RBL1: variants seen among roughly 807,000 people sequenced by gnomAD.
RBL1 encodes RB transcriptional corepressor like 1.
A neutral mutation model predicts 123.0 loss-of-function variants in RBL1; 82 were observed. That is an observed-to-expected ratio of 0.67 (90% confidence interval 0.56 to 0.80). The LOEUF (loss-of-function observed/expected upper bound fraction) is 0.80. RBL1 is among the 30% of genes least tolerant of loss of function. The pLI, the probability that RBL1 is intolerant of heterozygous loss-of-function variation, is 0.00. For synonymous variants in RBL1, 405 were observed against 441.3 expected (o/e 0.92, Z 1.03); for missense variants, 1,171 against 1,299.6 (o/e 0.90, Z 1.52).
chr20:37,033,615 T>C lies in RBL1; in HGVS notation c.2171-739A>G, dbSNP rs1337835590. On this transcript the variant is annotated intron_variant, in intron 15 of 21. Transcript: ENST00000373664. ...CAGGCATGAGCCACTGCAGCTGGAC[T>C]TTTTTTTTTTTTTTTTGAGACAGTC... 5.1e-4 allele frequency among the ~76,000 whole-genome samples: 67 copies of C among 130,748 alleles called. No individual in the cohort carries two copies. The East Asian group carries it at 0.014, about 28-fold the overall frequency. The allele number at this position is 130,748 out of a possible 152,430, so 85.8% of individuals were successfully genotyped here. A position where few individuals can be genotyped will look rare whatever the true frequency, so the allele number is the denominator to read the frequency against.
intron 16 of RBL1, among the ~76,000 whole-genome samples, chr20:37,023,929 C>T (rs1164264642): frequency 6.6e-6 from 1 of 151,730 alleles, no homozygotes; most frequent in Non-Finnish European, 1.5e-5. Flanking sequence ...AGGCAAGTGC[C>T]ACCACGCCTG....
chr20:37,003,639 G>A (rs201841741), intron 21 of RBL1, 63 bp downstream of exon 21: 32 of 1,397,584 alleles, frequency 2.3e-5, no homozygotes, highest in South Asian at 1.2e-4. Context: ...AAAAAAAAAA[G>A]AGGCAGGATT....
chr20:37,026,035 C>T (rs2064415288), intron 16 of RBL1, among the ~76,000 whole-genome samples: 2 of 152,134 alleles, frequency 1.3e-5, no homozygotes, highest in Non-Finnish European at 1.5e-5. Context: ...GAGCCACCGA[C>T]CTGGCCAGGA....
intron 19 of RBL1, among the ~76,000 whole-genome samples, chr20:37,015,076 A>AAC (rs1427607033): frequency 6.6e-6 from 1 of 151,526 alleles, no homozygotes; most frequent in African/African-American, 2.4e-5. Flanking sequence ...AAAAAAAAAA[A>AAC]AAAAAAAGAA....
At chr20:37,004,714 C>CAAAAAAAA (rs11361452) in intron 20 of RBL1, among the ~76,000 whole-genome samples, 1 of 72,520 alleles carries the variant, frequency 1.4e-5, no homozygotes, top group Non-Finnish European at 2.5e-5. Flanking sequence ...GACTCTGCCT[C>CAAAAAAAA]AAAAAAAAAA....
At chr20:37,072,249 A>G (rs866989478) in intron 2 of RBL1, among the ~76,000 whole-genome samples, 22 of 152,316 alleles carry the variant, frequency 1.4e-4, no homozygotes, top group African/African-American at 5.3e-4. Flanking sequence ...CAGGTGGACA[A>G]CCTGAGGTCA....
At chr20:37,018,144 T>C (rs992679244) in intron 19 of RBL1, 135 bp downstream of exon 19, 14 of 1,024,368 alleles carry the variant, frequency 1.4e-5, no homozygotes, top group East Asian at 1.3e-4. Flanking sequence ...CTCAAACTTA[T>C]TTGTTTTCAA....
intron 2 of RBL1, among the ~76,000 whole-genome samples, chr20:37,085,647 ATTTTTTT>A (rs1202673380): frequency 7.1e-5 from 6 of 84,606 alleles, no homozygotes; most frequent in Non-Finnish European, 8.6e-5. Context: ...TTGAAATTTG[ATTTTTTT>A]TTTTTTTTTT....
intron 1 of RBL1, among the ~76,000 whole-genome samples, chr20:37,094,363 C>T (rs768558188): frequency 7.9e-5 from 12 of 152,230 alleles, no homozygotes; most frequent in Admixed American, 2.0e-4. Flanking sequence ...ATGCCACCCA[C>T]GGATGTGGAC....
At chr20:37,033,120 T>G in intron 15 of RBL1, among the ~76,000 whole-genome samples, 1 of 150,556 alleles carries the variant, frequency 6.6e-6, no homozygotes, top group East Asian at 2.0e-4. Context: ...TGGGCTCAAG[T>G]GATCCTCCCA....
chr20:37,052,383 G>C (rs2064930997), intron 11 of RBL1, among the ~76,000 whole-genome samples: 1 of 152,000 alleles, frequency 6.6e-6, no homozygotes, highest in Non-Finnish European at 1.5e-5. Context: ...CCACGTGGGA[G>C]TGCAGTGGTG....
At chr20:37,022,500 T>C in intron 17 of RBL1, 150 bp downstream of exon 17, 1 of 635,944 alleles carries the variant, frequency 1.6e-6, no homozygotes, top group Non-Finnish European at 2.5e-6. Context: ...CTGATTTTTA[T>C]ATTTTTTATA....
At chr20:37,093,446 T>G (rs920341464) in intron 1 of RBL1, among the ~76,000 whole-genome samples, 1 of 151,812 alleles carries the variant, frequency 6.6e-6, no homozygotes, top group Non-Finnish European at 1.5e-5. Flanking sequence ...CAAGACCAGC[T>G]TGGGCAACAT....
At chr20:37,051,548 C>T (rs2146278759) in intron 11 of RBL1, among the ~76,000 whole-genome samples, 1 of 152,138 alleles carries the variant, frequency 6.6e-6, no homozygotes, top group East Asian at 1.9e-4. Flanking sequence ...AATAAAGTTA[C>T]TTATGCAAAA....
In RBL1 at chr20:37,067,216, T is replaced by C; in HGVS notation, c.556+17A>G. ...TCCCAGAGTAGAAATGTAAGACCAC[T>C]GAAAGTGTCATCTTACCCTTAGTAT... On this transcript the variant is annotated intron_variant, in intron 4 of 21. Coordinates refer to ENST00000373664, the MANE Select transcript of RBL1 (RefSeq NM_002895.5). 1 of 1,591,990 alleles carries C rather than the reference T, an allele frequency of 6.3e-7. No homozygotes were observed. The highest frequency in any genetic ancestry group is 8.5e-7 in the Non-Finnish European group (1 of 1,172,352).
intron 13 of RBL1, among the ~76,000 whole-genome samples, chr20:37,040,684 TTTTA>T (rs2064708693): frequency 1.3e-5 from 2 of 152,306 alleles, no homozygotes; most frequent in East Asian, 1.9e-4. Context: ...TTTTTTACTA[TTTTA>T]TTTCTTTCTC....
chr20:37,018,907 C>G (rs1215460666), intron 18 of RBL1, among the ~76,000 whole-genome samples: 1 of 152,166 alleles, frequency 6.6e-6, no homozygotes, highest in Non-Finnish European at 1.5e-5. Flanking sequence ...GAGATCGCAC[C>G]ACTGCACTCC....
intron 19 of RBL1, among the ~76,000 whole-genome samples, chr20:37,009,937 A>G (rs2146207370): frequency 6.6e-6 from 1 of 152,186 alleles, no homozygotes; most frequent in East Asian, 1.9e-4. Flanking sequence ...AGATGACAGG[A>G]TCGCTTGAAC....
At chr20:37,091,707 C>T (rs1334206662) in intron 1 of RBL1, among the ~76,000 whole-genome samples, 2 of 150,648 alleles carry the variant, frequency 1.3e-5, no homozygotes, top group Non-Finnish European at 3.0e-5. Context: ...AATCTGATAG[C>T]ACAACACAAT....
Sources: gnomAD v4.1 joint callset for allele counts (sites outside exome capture counted in the v4.1 genomes callset) on GRCh38, gnomAD v4.1.1 for gene constraint, MANE v1.5 for transcripts, NCBI Gene and HGNC (gene_info 2026-07-23, HGNC 2026-07-21) for gene names.